GPC5: variants seen among roughly 807,000 people sequenced by gnomAD.
GPC5 encodes the protein glypican-5.
GPC5 carries 47 observed loss-of-function variants against 53.9 expected under a neutral mutation model. The observed-to-expected ratio is 0.87, with a 90% CI of 0.69 to 1.11. The LOEUF is 1.11. Among genes scored for constraint, GPC5 ranks in the 50% most tolerant of loss-of-function variants. The probability of loss-of-function intolerance (pLI) is 0.00; values close to 1 mark genes in which losing one functional copy is unlikely to be tolerated. For synonymous variants in GPC5, 286 were observed against 263.3 expected, an observed-to-expected ratio of 1.09 and a Z score of -0.84; for missense variants, 748 against 713.1, an observed-to-expected ratio of 1.05 and a Z score of -0.56.
chr13:91,398,910 G>C lies in GPC5; in HGVS notation c.-137G>C. The C allele has an allele frequency of 2.8e-6, 3 of 1,074,138 alleles. No individual in the cohort carries two copies. Among genetic ancestry groups the C allele is most frequent in the South Asian group, 1.8e-5 (1 of 57,086 alleles). The allele number at this position is 1,074,138 out of a possible 1,614,324, so 66.5% of individuals were successfully genotyped here. A position where few individuals can be genotyped will look rare whatever the true frequency, so the allele number is the denominator to read the frequency against. On this transcript the variant is annotated 5_prime_UTR_variant, in exon 1 of 8. Transcript: ENST00000377067. Reference sequence around the variant, plus strand: ...GCTCCCAGGTGAAGCCGGTGCCCGCGGGCGGTCCGTACACCCCGCAGCCGG... The same window carrying C: ...GCTCCCAGGTGAAGCCGGTGCCCGCCGGCGGTCCGTACACCCCGCAGCCGG...
At chr13:91,417,963 G>A (rs188399968) in intron 1 of GPC5, among the ~76,000 whole-genome samples, 2 of 152,180 alleles carry the variant, frequency 1.3e-5, no homozygotes, top group East Asian at 3.9e-4. Context: ...AATATGAAAG[G>A]GAAAGTTCCA....
intron 7 of GPC5, among the ~76,000 whole-genome samples, chr13:92,624,021 ATT>A (rs35439842): frequency 1.2e-4 from 17 of 145,496 alleles, no homozygotes; most frequent in African/African-American, 1.3e-4. Flanking sequence ...TGCTCGGCTA[ATT>A]TTTTTTTTTT....
At chr13:91,815,480 T>G (rs1218019815) in intron 5 of GPC5, among the ~76,000 whole-genome samples, 5 of 152,236 alleles carry the variant, frequency 3.3e-5, no homozygotes, top group African/African-American at 1.2e-4. Flanking sequence ...TGTGTTTTTA[T>G]AGCATTGTAT....
chr13:91,541,638 G>GA (rs554663165), intron 2 of GPC5, among the ~76,000 whole-genome samples: 56 of 149,010 alleles, frequency 3.8e-4, no homozygotes, highest in East Asian at 7.8e-4. Flanking sequence ...AGTTACAAAG[G>GA]AAAAAAAAAG....
chr13:92,032,118 T>G (rs1260671425), intron 6 of GPC5, among the ~76,000 whole-genome samples: 15 of 145,548 alleles, frequency 1.0e-4, no homozygotes. Flanking sequence ...AGGAACAAAT[T>G]AATGGCATTC....
chr13:91,608,835 G>A (rs1000763762), intron 2 of GPC5, among the ~76,000 whole-genome samples: 3 of 151,564 alleles, frequency 2.0e-5, no homozygotes, highest in African/African-American at 7.3e-5. Flanking sequence ...GGTTTCAATG[G>A]TATTTGCTGT....
intron 7 of GPC5, among the ~76,000 whole-genome samples, chr13:92,381,879 ATTATATATATTATATAT>A (rs2043745443): frequency 2.5e-5 from 2 of 78,846 alleles, no homozygotes; most frequent in South Asian, 6.5e-4. Context: ...CATATATATG[ATTATATATATTATATAT>A]AATCATATAT....
intron 7 of GPC5, among the ~76,000 whole-genome samples, chr13:92,385,386 A>G (rs1292182294): frequency 2.6e-5 from 2 of 75,754 alleles, no homozygotes; most frequent in African/African-American, 5.2e-5. Context: ...ATATACATAT[A>G]TATACATATA....
chr13:92,756,489 G>C (rs919371766), intron 7 of GPC5, among the ~76,000 whole-genome samples: 10 of 151,974 alleles, frequency 6.6e-5, no homozygotes, highest in African/African-American at 2.4e-4. Context: ...AGGGCAATCA[G>C]GCAGGAGAAT....
chr13:92,646,930 ATGTGTGTGTG>A (rs753380099), intron 7 of GPC5, among the ~76,000 whole-genome samples: 9 of 146,592 alleles, frequency 6.1e-5, no homozygotes, highest in African/African-American at 2.0e-4. Context: ...ATATATAAAC[ATGTGTGTGTG>A]TGTGTGTGTG....
chr13:92,864,466 G>A (rs1184306916), intron 7 of GPC5, among the ~76,000 whole-genome samples: 2 of 151,900 alleles, frequency 1.3e-5, no homozygotes, highest in African/African-American at 2.4e-5. Context: ...AATGGCATAA[G>A]AAAACCTTAT....
At chr13:92,783,796 T>G (rs1876116672) in intron 7 of GPC5, among the ~76,000 whole-genome samples, 1 of 152,172 alleles carries the variant, frequency 6.6e-6, no homozygotes, top group African/African-American at 2.4e-5. Context: ...ACAAAGAATG[T>G]CAGGCTACAA....
intron 2 of GPC5, among the ~76,000 whole-genome samples, chr13:91,643,188 T>A (rs1194344513): frequency 1.3e-5 from 2 of 152,112 alleles, no homozygotes; most frequent in Non-Finnish European, 2.9e-5. Context: ...TTGTACATTA[T>A]AGGGTGGAGC....
intron 7 of GPC5, among the ~76,000 whole-genome samples, chr13:92,647,553 T>C (rs1885814177): frequency 6.6e-6 from 1 of 152,126 alleles, no homozygotes. Context: ...CTGCTCTGAT[T>C]CTGGACACCA....
chr13:91,833,668 A>G (rs1159950107), intron 5 of GPC5, among the ~76,000 whole-genome samples: 1 of 152,182 alleles, frequency 6.6e-6, no homozygotes, highest in Non-Finnish European at 1.5e-5. Flanking sequence ...AGATGCAGAA[A>G]AAGTCTTCGA....
rs150984874 is a variant in GPC5 at position 91,674,450 on chromosome 13, TAC to T, written c.326-18726_326-18725del. On this transcript the variant is annotated intron_variant, in intron 2 of 7. Coordinates refer to ENST00000377067, the MANE Select transcript of GPC5 (RefSeq NM_004466.6). ...ATATATACACATATATATATACACA[TAC>T]ACACACACACGCACATATACACACA... Among the ~76,000 whole-genome samples the T allele has an allele frequency of 2.4e-3, 363 of 149,024 alleles. 7 individuals carry two copies. Among genetic ancestry groups the T allele is most frequent in the African/African-American group, 7.9e-3 (319 of 40,552 alleles).
intron 2 of GPC5, among the ~76,000 whole-genome samples, chr13:91,564,974 T>C (rs1484798404): frequency 8.1e-6 from 1 of 124,170 alleles, no homozygotes; most frequent in East Asian, 2.5e-4. Context: ...TAAATATTTA[T>C]ATTTCTGTGG....
chr13:92,162,703 TGTATTAAAA>T (rs1031433510), intron 7 of GPC5, among the ~76,000 whole-genome samples: 3 of 152,214 alleles, frequency 2.0e-5, no homozygotes, highest in African/African-American at 7.2e-5. Context: ...AGCCAACTCA[TGTATTAAAA>T]CCTTTCAAAT....
intron 1 of GPC5, among the ~76,000 whole-genome samples, chr13:91,424,912 G>A (rs1878932829): frequency 6.6e-6 from 1 of 152,140 alleles, no homozygotes; most frequent in South Asian, 2.1e-4. Context: ...TAAAAATGTT[G>A]AACCAATACA....
Sources: gnomAD v4.1 joint callset for allele counts (sites outside exome capture counted in the v4.1 genomes callset) on GRCh38, gnomAD v4.1.1 for gene constraint, MANE v1.5 for transcripts, NCBI Gene and HGNC (gene_info 2026-07-23, HGNC 2026-07-21) for gene names.